The following ADK variants were observed in gnomAD, a reference collection of about 807,000 sequenced individuals.
ADK encodes the protein adenosine kinase, also known as N6,N6-dimethyladenosine kinase.
In ADK, 24 loss-of-function variants were observed where a neutral mutation model predicts 44.7. That is an observed-to-expected ratio of 0.54 (90% CI 0.39 to 0.76). The LOEUF (loss-of-function observed/expected upper bound fraction) is 0.76. Among genes scored for constraint, ADK ranks in the 30% least tolerant of loss-of-function variants. The probability of loss-of-function intolerance (pLI) is 0.00; values close to 1 mark genes in which losing one functional copy is unlikely to be tolerated. For missense variants in ADK, 321 were observed against 425.1 expected, an observed-to-expected ratio of 0.76 and a Z score of 2.15; for synonymous variants, 128 against 142.6, an observed-to-expected ratio of 0.90 and a Z score of 0.73.
chr10:74,240,950 G>A (rs991541181), intron 3 of ADK, among the ~76,000 whole-genome samples: 1 of 152,146 alleles, frequency 6.6e-6, no homozygotes, highest in Non-Finnish European at 1.5e-5. Context: ...GGGAAACTCC[G>A]GTGTGGAGAC....
chr10:74,214,311 G>A (rs928285284), intron 2 of ADK, among the ~76,000 whole-genome samples: 13 of 151,948 alleles, frequency 8.6e-5, no homozygotes, highest in African/African-American at 2.9e-4. Context: ...TAAATTGGAA[G>A]AGCCAATTAA....
intron 10 of ADK, among the ~76,000 whole-genome samples, chr10:74,678,421 T>C (rs1855486252): frequency 6.6e-6 from 1 of 152,232 alleles, no homozygotes; most frequent in Non-Finnish European, 1.5e-5. Flanking sequence ...AGAAATCACT[T>C]TGTTCATGTG....
chr10:74,449,528 T>C (rs1251269419), intron 6 of ADK, among the ~76,000 whole-genome samples: 1 of 152,248 alleles, frequency 6.6e-6, no homozygotes, highest in Non-Finnish European at 1.5e-5. Context: ...TATTTTTGTG[T>C]ATTGTGCCTA....
intron 7 of ADK, 57 bp downstream of exon 7, chr10:74,525,483 G>A: frequency 7.1e-7 from 1 of 1,414,132 alleles, no homozygotes; most frequent in Non-Finnish European, 9.9e-7. Context: ...GTTTATTTCT[G>A]ATGTGTGTAT....
intron 1 of ADK, among the ~76,000 whole-genome samples, chr10:74,193,805 C>G (rs1843034073): frequency 6.6e-6 from 1 of 151,872 alleles, no homozygotes; most frequent in African/African-American, 2.4e-5. Flanking sequence ...AACCTATAAT[C>G]ACAGAATCAC....
At chr10:74,192,428 A>G (rs184302919) in intron 1 of ADK, among the ~76,000 whole-genome samples, 6 of 151,532 alleles carry the variant, frequency 4.0e-5, no homozygotes, top group East Asian at 1.9e-4. Flanking sequence ...AGTTTTCACT[A>G]TGTTGGTCAG....
chr10:74,212,538 G>A (rs978537016), intron 2 of ADK, among the ~76,000 whole-genome samples: 1 of 152,184 alleles, frequency 6.6e-6, no homozygotes, highest in Non-Finnish European at 1.5e-5. Context: ...CAGTTTCCTT[G>A]TGAGTAAAAT....
At chr10:74,673,390 G>A (rs1349338694) in intron 10 of ADK, among the ~76,000 whole-genome samples, 3 of 152,222 alleles carry the variant, frequency 2.0e-5, no homozygotes, top group East Asian at 3.9e-4. Flanking sequence ...AAATTGCAGT[G>A]TGTGGGCGCA....
intron 2 of ADK, among the ~76,000 whole-genome samples, chr10:74,205,675 C>CAA (rs11419041): frequency 0.038 from 3,187 of 84,934 alleles, 234 homozygotes; most frequent in African/African-American, 0.13. Flanking sequence ...GAATCTGTCT[C>CAA]AAAAAAAAAA....
chr10:74,430,880 G>C (rs184464497), intron 6 of ADK, among the ~76,000 whole-genome samples: 1 of 152,022 alleles, frequency 6.6e-6, no homozygotes, highest in East Asian at 2.0e-4. Flanking sequence ...GCGGCTGGAA[G>C]GAGATGAGTT....
chr10:74,283,708 A>G (rs1392416462), intron 3 of ADK, among the ~76,000 whole-genome samples: 5 of 128,818 alleles, frequency 3.9e-5, no homozygotes, highest in African/African-American at 1.5e-4. Context: ...TTTGAGACAG[A>G]GTCTCGCTCT....
chr10:74,156,299 G>C (rs1316187606), intron 1 of ADK, among the ~76,000 whole-genome samples: 1 of 152,140 alleles, frequency 6.6e-6, no homozygotes, highest in Non-Finnish European at 1.5e-5. Context: ...TTTTTACCTG[G>C]AATATGTCTT....
chr10:74,184,545 CAGG>C (rs1842680101), intron 1 of ADK, among the ~76,000 whole-genome samples: 1 of 108,172 alleles, frequency 9.2e-6, no homozygotes, highest in Non-Finnish European at 2.0e-5. Flanking sequence ...GTGTGTGTGT[CAGG>C]GGGGTGGGTA....
intron 4 of ADK, among the ~76,000 whole-genome samples, chr10:74,376,385 A>T (rs150290496): frequency 1.4e-3 from 208 of 152,110 alleles, no homozygotes; most frequent in Middle Eastern, 3.4e-3. Flanking sequence ...TATTTATTTC[A>T]TAGCTTTTTA....
chr10:74,499,661 C>T (rs1847823985), intron 6 of ADK, among the ~76,000 whole-genome samples: 1 of 151,760 alleles, frequency 6.6e-6, no homozygotes, highest in South Asian at 2.1e-4. Flanking sequence ...GCACTCCAGC[C>T]TGGGCGACAG....
intron 6 of ADK, among the ~76,000 whole-genome samples, chr10:74,424,805 A>C (rs1235192630): frequency 6.6e-6 from 1 of 152,064 alleles, no homozygotes; most frequent in Non-Finnish European, 1.5e-5. Context: ...ATTCTGTTTT[A>C]CCTGACATTG....
chr10:74,357,158 T>C (rs1440889152), intron 4 of ADK, among the ~76,000 whole-genome samples: 2 of 152,230 alleles, frequency 1.3e-5, no homozygotes, highest in African/African-American at 4.8e-5. Flanking sequence ...TTCTAGGTGC[T>C]GCTTTTGCTA....
chr10:74,503,455 T>C (rs1258078814), intron 6 of ADK, among the ~76,000 whole-genome samples: 3 of 152,174 alleles, frequency 2.0e-5, no homozygotes, highest in Non-Finnish European at 4.4e-5. Flanking sequence ...TACTATTGTT[T>C]AGGAAATGAG....
At chr10:74,415,006 C>A (rs1370501118) in intron 6 of ADK, among the ~76,000 whole-genome samples, 1 of 152,056 alleles carries the variant, frequency 6.6e-6, no homozygotes, top group African/African-American at 2.4e-5. Context: ...ACGGACTAAC[C>A]TTTTTACTAA....
Sources: gnomAD v4.1 joint callset for allele counts (sites outside exome capture counted in the v4.1 genomes callset) on GRCh38, gnomAD v4.1.1 for gene constraint, MANE v1.5 for transcripts, NCBI Gene and HGNC (gene_info 2026-07-23, HGNC 2026-07-21) for gene names.